The following SHLD1 variants were observed in gnomAD, a reference collection of about 807,000 sequenced individuals.
The protein encoded by SHLD1 is shieldin complex subunit 1.
A neutral mutation model predicts 5.5 loss-of-function variants in SHLD1; 3 were observed. The observed-to-expected ratio is 0.54, with a 90% CI of 0.25 to 1.40. SHLD1 has a LOEUF of 1.40. SHLD1 is among the 40% of genes most tolerant of loss of function. The probability of loss-of-function intolerance (pLI) is 0.15; values close to 1 mark genes in which losing one functional copy is unlikely to be tolerated. For synonymous variants in SHLD1, 92 were observed against 94.3 expected (o/e 0.98, Z 0.14); for missense variants, 210 against 244.4 (o/e 0.86, Z 0.94).
At chr20:5,773,242 C>A in intron 2 of SHLD1, 199 bp downstream of exon 2, 1 of 702,382 alleles carries the variant, frequency 1.4e-6, no homozygotes, top group African/African-American at 1.8e-5. Context: ...TGACAAGGAG[C>A]TGTTTCCTGG....
At chr20:5,751,496 G>A (rs936869134) in intron 1 of SHLD1, among the ~76,000 whole-genome samples, 1 of 152,016 alleles carries the variant, frequency 6.6e-6, no homozygotes, top group East Asian at 1.9e-4. Flanking sequence ...TAGTAGAGAC[G>A]AGGTTTCACC....
chr20:5,764,158 T>TTTTATA (rs1555768335), intron 1 of SHLD1, among the ~76,000 whole-genome samples: 1 of 72,048 alleles, frequency 1.4e-5, no homozygotes, highest in African/African-American at 5.2e-5. Context: ...ATATTTATAT[T>TTTTATA]TATATATATA....
At chr20:5,860,793 A>G (rs1374503126) in intron 2 of SHLD1, among the ~76,000 whole-genome samples, 1 of 149,082 alleles carries the variant, frequency 6.7e-6, no homozygotes, top group African/African-American at 2.5e-5. Flanking sequence ...TGGAGGCTTC[A>G]GTCCAGTGAT....
intron 1 of SHLD1, among the ~76,000 whole-genome samples, chr20:5,767,066 G>A (rs187438794): frequency 1.1e-3 from 164 of 152,184 alleles, no homozygotes; most frequent in Admixed American, 8.9e-3. Context: ...CCCAGTCACC[G>A]AAACTGTCTC....
At chr20:5,819,211 T>A (rs2087576944) in intron 2 of SHLD1, among the ~76,000 whole-genome samples, 3 of 151,944 alleles carry the variant, frequency 2.0e-5, no homozygotes. Context: ...GCACTTAGGT[T>A]CCCCCTAGTG....
At chr20:5,836,483 C>A (rs1223506187) in intron 2 of SHLD1, among the ~76,000 whole-genome samples, 1 of 152,244 alleles carries the variant, frequency 6.6e-6, no homozygotes, top group Admixed American at 6.5e-5. Flanking sequence ...TGCACTCCCC[C>A]TTGCTCCCAT....
At chr20:5,759,253 G>C (rs1490678526) in intron 1 of SHLD1, among the ~76,000 whole-genome samples, 1 of 150,360 alleles carries the variant, frequency 6.7e-6, no homozygotes, top group African/African-American at 2.4e-5. Context: ...GTGCCCAGCC[G>C]ACACCTTTTT....
At chr20:5,847,394 CA>C (rs931693159) in intron 2 of SHLD1, among the ~76,000 whole-genome samples, 4 of 152,126 alleles carry the variant, frequency 2.6e-5, no homozygotes, top group African/African-American at 7.2e-5. Flanking sequence ...CTTGAGAAAA[CA>C]AAAACAAACC....
chr20:5,755,431 G>A (rs1438273700), intron 1 of SHLD1, among the ~76,000 whole-genome samples: 1 of 152,246 alleles, frequency 6.6e-6, no homozygotes, highest in Non-Finnish European at 1.5e-5. Context: ...ATGATCGGAA[G>A]TAGAACAGTT....
chr20:5,801,071 C>CTTTTTTTTTTT, intron 2 of SHLD1, among the ~76,000 whole-genome samples: 1 of 121,940 alleles, frequency 8.2e-6, no homozygotes, highest in Non-Finnish European at 1.8e-5. Context: ...CAGCCACCAT[C>CTTTTTTTTTTT]TTTTTTTTTT....
At chr20:5,817,430 C>CTGTGTGTGTGTG (rs1348723186) in intron 2 of SHLD1, among the ~76,000 whole-genome samples, 2 of 99,514 alleles carry the variant, frequency 2.0e-5, no homozygotes, top group African/African-American at 9.4e-5. Flanking sequence ...CTCTCTCTCT[C>CTGTGTGTGTGTG]TCTGTGTGTG....
At chr20:5,798,854 G>A (rs112556770) in intron 2 of SHLD1, among the ~76,000 whole-genome samples, 2 of 152,068 alleles carry the variant, frequency 1.3e-5, no homozygotes, top group South Asian at 2.1e-4. Flanking sequence ...TCCTGACCTC[G>A]TGATCCGCCC....
intron 2 of SHLD1, among the ~76,000 whole-genome samples, chr20:5,860,731 C>T (rs1383017158): frequency 6.6e-6 from 1 of 151,986 alleles, no homozygotes; most frequent in African/African-American, 2.4e-5. Context: ...GCTTCTATGC[C>T]ATCAGAACAA....
At position 5,794,897 on chromosome 20, in the gene SHLD1, C is replaced by T. The variant is rs1326737423; in HGVS notation, c.178+21854C>T. ...GGATTCCTGTGCTCATGGAGTTGAT[C>T]GTCTAGTTGGGAAAATAAGATATGT... On this transcript the variant is annotated intron_variant, in intron 2 of 2. Coordinates refer to ENST00000303142, the MANE Select transcript of SHLD1 (RefSeq NM_152504.4). Among the ~76,000 whole-genome samples, 11 of 151,730 alleles carry T rather than the reference C, an allele frequency of 7.2e-5. No homozygotes were observed. In the East Asian group the frequency reaches 1.5e-3, roughly 21 times the overall value.
intron 1 of SHLD1, among the ~76,000 whole-genome samples, chr20:5,755,426 C>T (rs552535060): frequency 2.0e-5 from 3 of 152,304 alleles, no homozygotes; most frequent in South Asian, 2.1e-4. Context: ...GCCTGATGAT[C>T]GGAAGTAGAA....
At chr20:5,798,260 T>A (rs1239602688) in intron 2 of SHLD1, among the ~76,000 whole-genome samples, 1 of 151,732 alleles carries the variant, frequency 6.6e-6, no homozygotes, top group Non-Finnish European at 1.5e-5. Flanking sequence ...AGAGGGGAAA[T>A]CGCAAGAGTG....
chr20:5,817,430 CTCTGTG>C (rs1447923563), intron 2 of SHLD1, among the ~76,000 whole-genome samples: 19 of 99,566 alleles, frequency 1.9e-4, no homozygotes, highest in African/African-American at 4.2e-4. Context: ...CTCTCTCTCT[CTCTGTG>C]TGTGTGTGTG....
At chr20:5,753,785 C>G (rs866269069) in intron 1 of SHLD1, among the ~76,000 whole-genome samples, 2 of 152,212 alleles carry the variant, frequency 1.3e-5, no homozygotes, top group Non-Finnish European at 2.9e-5. Context: ...CCAACCCTCT[C>G]TCTGTGCCCT....
At chr20:5,773,581 G>A (rs1016774720) in intron 2 of SHLD1, 1 of 164,712 alleles carries the variant, frequency 6.1e-6, no homozygotes, top group Admixed American at 6.0e-5. Context: ...TAGTGGTAAA[G>A]CCCTCTCTTT....
Sources: allele counts gnomAD v4.1 joint callset (sites outside exome capture counted in the v4.1 genomes callset), GRCh38; gene constraint gnomAD v4.1.1; transcripts MANE v1.5; gene names NCBI Gene and HGNC (gene_info 2026-07-23, HGNC 2026-07-21).